Variants in RARB observed in about 807,000 individuals in gnomAD.
The protein encoded by RARB is HBV-activated protein.
RARB carries 17 observed loss-of-function variants against 51.9 expected under a neutral mutation model. The ratio of observed to expected loss-of-function variants is 0.33; its 90% CI spans 0.22 to 0.49. The LOEUF is 0.49. Among genes scored for constraint, RARB ranks in the 20% least tolerant of loss-of-function variants. RARB has a pLI of 0.99. For synonymous variants in RARB, 215 were observed against 195.4 expected (o/e 1.10, Z -0.84); for missense variants, 369 against 550.8 (o/e 0.67, Z 3.30).
intron 2 of RARB, among the ~76,000 whole-genome samples, chr3:25,002,992 C>A (rs896578886): frequency 6.6e-6 from 1 of 151,804 alleles, no homozygotes; most frequent in African/African-American, 2.4e-5. Flanking sequence ...AGTAATTGGC[C>A]ATGTAAAATT....
intron 2 of RARB, among the ~76,000 whole-genome samples, chr3:25,021,404 A>G (rs1448368015): frequency 6.6e-6 from 1 of 152,056 alleles, no homozygotes; most frequent in East Asian, 1.9e-4. Flanking sequence ...GATCAAAAAT[A>G]CCATAAGATC....
chr3:24,835,938 A>G (rs1365029569), intron 1 of RARB, among the ~76,000 whole-genome samples: 1 of 152,186 alleles, frequency 6.6e-6, no homozygotes, highest in African/African-American at 2.4e-5. Context: ...CTGTCTCTTC[A>G]ACGTGGTTAC....
At chr3:25,116,137 A>G (rs1047927370) in intron 3 of RARB, among the ~76,000 whole-genome samples, 4 of 152,178 alleles carry the variant, frequency 2.6e-5, no homozygotes. Flanking sequence ...GATTGGAAGT[A>G]ACTGAAGTAA....
chr3:25,493,680 G>A lies in RARB; in HGVS notation c.307-7502G>A, dbSNP rs140820830. 8.7e-4 allele frequency among the ~76,000 whole-genome samples: 132 copies of A among 152,328 alleles called. 1 individual carries two copies. Among genetic ancestry groups the A allele is most frequent in the African/African-American group, 3.0e-3 (124 of 41,576 alleles). ...ATCCTTTTGAACTTTGCATGGGATA[G>A]AAATTAACTCTGCAACAGCCCAGTT... On this transcript the variant is annotated intron_variant, in intron 2 of 7. Transcript: ENST00000330688.
chr3:25,450,483 G>A (rs911508813), intron 1 of RARB, among the ~76,000 whole-genome samples: 1 of 152,126 alleles, frequency 6.6e-6, no homozygotes, highest in Non-Finnish European at 1.5e-5. Context: ...CTGCATTGTA[G>A]GACTCTGCAG....
At chr3:25,438,506 T>C (rs757391724) in intron 1 of RARB, among the ~76,000 whole-genome samples, 24 of 152,224 alleles carry the variant, frequency 1.6e-4, no homozygotes, top group Non-Finnish European at 3.1e-4. Context: ...AATGAAATGC[T>C]ACTCTAATGA....
chr3:24,869,882 T>C (rs1702915156), intron 2 of RARB, among the ~76,000 whole-genome samples: 1 of 152,124 alleles, frequency 6.6e-6, no homozygotes, highest in Non-Finnish European at 1.5e-5. Flanking sequence ...TGTATGAGTA[T>C]TCCAGTTGTT....
At chr3:25,178,601 A>G (rs1700802568) in intron 5 of RARB, among the ~76,000 whole-genome samples, 1 of 152,154 alleles carries the variant, frequency 6.6e-6, no homozygotes. Flanking sequence ...TGGAAAATTG[A>G]CAGCTCCACC....
intron 5 of RARB, among the ~76,000 whole-genome samples, chr3:25,583,507 G>A (rs150362391): frequency 4.3e-4 from 66 of 152,354 alleles, no homozygotes; most frequent in Middle Eastern, 6.8e-3. Context: ...GCTTCCAACT[G>A]CACGCCTGCC....
At chr3:25,048,488 T>C (rs17787531) in intron 2 of RARB, among the ~76,000 whole-genome samples, 9,971 of 152,288 alleles carry the variant, frequency 0.065, 426 homozygotes, top group Non-Finnish European at 0.099. Flanking sequence ...TGTCAAGGGC[T>C]TATTTCATTA....
At chr3:24,949,927 C>A (rs1420988161) in intron 2 of RARB, among the ~76,000 whole-genome samples, 1 of 152,166 alleles carries the variant, frequency 6.6e-6, no homozygotes, top group African/African-American at 2.4e-5. Context: ...CCGGATTCTC[C>A]AGCCAGTCAT....
At chr3:25,562,258 G>A (rs1297817) in intron 3 of RARB, among the ~76,000 whole-genome samples, 92,813 of 151,684 alleles carry the variant, frequency 0.61, 30,858 homozygotes, top group African/African-American at 0.89. Flanking sequence ...CTAGATCAGA[G>A]GTTTTTTAAA....
chr3:25,127,384 T>A (rs1190162096), intron 3 of RARB, among the ~76,000 whole-genome samples: 1 of 152,168 alleles, frequency 6.6e-6, no homozygotes, highest in Non-Finnish European at 1.5e-5. Context: ...CATTCGTGCT[T>A]CTCTCTGAAA....
At chr3:24,992,119 C>G (rs1696926147) in intron 2 of RARB, among the ~76,000 whole-genome samples, 2 of 152,166 alleles carry the variant, frequency 1.3e-5, no homozygotes, top group Admixed American at 6.5e-5. Context: ...CTCCATACCG[C>G]AAACCTAATG....
intron 1 of RARB, among the ~76,000 whole-genome samples, chr3:25,444,663 G>T (rs1021611504): frequency 6.6e-6 from 1 of 152,170 alleles, no homozygotes; most frequent in Non-Finnish European, 1.5e-5. Flanking sequence ...TTGAACTGCA[G>T]TGTCCAGTAC....
chr3:25,407,135 T>G (rs1707430799), intron 5 of RARB, among the ~76,000 whole-genome samples: 2 of 152,248 alleles, frequency 1.3e-5, no homozygotes, highest in Admixed American at 6.5e-5. Flanking sequence ...TATCATGTGC[T>G]TCTCTCTTCA....
Position 25,394,860 on chromosome 3 carries a change from T to C in RARB, c.179-66333T>C, listed in dbSNP as rs144544801. On this transcript the variant is annotated intron_variant, in intron 5 of 11. Coordinates refer to the RARB transcript ENST00000383772. ...GCTGAATTCTTATCCATTCTGCCAT[T>C]CTGAATCTTTTAAGTGGAACATTTA... Among the ~76,000 whole-genome samples, 91 of 152,310 alleles carry C rather than the reference T, an allele frequency of 6.0e-4. 1 individual carries two copies. Among genetic ancestry groups the C allele is most frequent in the African/African-American group, 1.9e-3 (80 of 41,566 alleles).
At chr3:25,044,308 C>G (rs1260110982) in intron 2 of RARB, among the ~76,000 whole-genome samples, 1 of 152,052 alleles carries the variant, frequency 6.6e-6, no homozygotes, top group Non-Finnish European at 1.5e-5. Flanking sequence ...AGAAATTGGC[C>G]TTGTGTCAAC....
chr3:25,573,618 G>A (rs910993902), intron 4 of RARB, among the ~76,000 whole-genome samples: 1 of 152,194 alleles, frequency 6.6e-6, no homozygotes, highest in Non-Finnish European at 1.5e-5. Context: ...CTGGAAGTCG[G>A]TGGTATAAAT....
Sources: allele counts gnomAD v4.1 joint callset (sites outside exome capture counted in the v4.1 genomes callset), GRCh38; gene constraint gnomAD v4.1.1; transcripts MANE v1.5; gene names NCBI Gene and HGNC (gene_info 2026-07-23, HGNC 2026-07-21).